CNTN6: variants seen among roughly 807,000 people sequenced by gnomAD.
The protein encoded by CNTN6 is contactin-6.
CNTN6 carries 137 observed loss-of-function variants against 122.8 expected under a neutral mutation model. That is an observed-to-expected ratio of 1.12 (90% confidence interval 0.97 to 1.29). CNTN6 has a LOEUF of 1.29. Ranked by LOEUF, CNTN6 falls within the 50% of genes most tolerant of loss-of-function variation. The pLI is 0.00. For synonymous variants in CNTN6, 570 were observed against 426.0 expected (o/e 1.34, Z -4.16); for missense variants, 1,634 against 1,223.4 (o/e 1.34, Z -5.01).
At chr3:1,364,701 A>G (rs1366722897) in intron 12 of CNTN6, among the ~76,000 whole-genome samples, 2 of 151,966 alleles carry the variant, frequency 1.3e-5, no homozygotes, top group African/African-American at 2.4e-5. Flanking sequence ...AATGGTCCTG[A>G]CATAAGTTTT....
chr3:1,160,344 GTATATATATATATATATATA>G (rs56703431), intron 2 of CNTN6, among the ~76,000 whole-genome samples: 1 of 111,114 alleles, frequency 9.0e-6, no homozygotes, highest in Non-Finnish European at 1.8e-5. Context: ...TACTTTTACT[GTATATATATATATATATATA>G]TATACACACT....
intron 2 of CNTN6, among the ~76,000 whole-genome samples, chr3:1,202,541 AAAAAATAAATAAATAAATAAAT>A (rs1255307107): frequency 1.1e-4 from 11 of 97,904 alleles, no homozygotes; most frequent in African/African-American, 2.3e-4. Context: ...ACTCCGTCTC[AAAAAATAAATAAATAAATAAAT>A]AAATAAATAA....
chr3:1,295,399 A>G (rs925330788), intron 5 of CNTN6, among the ~76,000 whole-genome samples: 5 of 152,128 alleles, frequency 3.3e-5, no homozygotes, highest in African/African-American at 1.2e-4. Flanking sequence ...GAAAGTGCCC[A>G]CATAATTTAT....
chr3:1,318,469 C>T (rs151325814), intron 7 of CNTN6, among the ~76,000 whole-genome samples: 52 of 151,774 alleles, frequency 3.4e-4, no homozygotes, highest in Non-Finnish European at 5.6e-4. Flanking sequence ...GATTAGAGCC[C>T]GCTGGGAATT....
In CNTN6 at chr3:1,140,550, T is replaced by C. The variant is rs140439458; in HGVS notation, c.-82-7377T>C. On this transcript the variant is annotated intron_variant, in intron 1 of 22. Transcript: ENST00000446702. ...CTATTATCTATATAGTTTCTTTCAATTGTGAAATTCACTGAAAGTATGATT... is the reference window on the plus strand; with the variant it reads ...CTATTATCTATATAGTTTCTTTCAACTGTGAAATTCACTGAAAGTATGATT... 8.7e-4 allele frequency among the ~76,000 whole-genome samples: 132 copies of C among 152,318 alleles called. 1 individual carries two copies. The highest frequency in any genetic ancestry group is 3.0e-3 in the African/African-American group (125 of 41,574).
At chr3:1,282,799 T>C (rs925203387) in intron 5 of CNTN6, among the ~76,000 whole-genome samples, 8 of 152,216 alleles carry the variant, frequency 5.3e-5, no homozygotes, top group South Asian at 2.1e-4. Context: ...GTATCTATTA[T>C]AATTCTTCCC....
At chr3:1,268,136 A>G (rs2094955999) in intron 4 of CNTN6, among the ~76,000 whole-genome samples, 1 of 152,252 alleles carries the variant, frequency 6.6e-6, no homozygotes, top group African/African-American at 2.4e-5. Context: ...AACATTTGCC[A>G]AAAGGCAAAG....
At chr3:1,256,231 A>G (rs1251775121) in intron 4 of CNTN6, among the ~76,000 whole-genome samples, 1 of 152,216 alleles carries the variant, frequency 6.6e-6, no homozygotes, top group Admixed American at 6.6e-5. Context: ...CTTAAGAATT[A>G]TAATTTTCTA....
intron 1 of CNTN6, among the ~76,000 whole-genome samples, chr3:1,115,666 T>A (rs1574901384): frequency 6.6e-6 from 1 of 152,206 alleles, no homozygotes; most frequent in Non-Finnish European, 1.5e-5. Context: ...GCAGGAGAAT[T>A]GCTTGAACCC....
At chr3:1,098,789 C>CATATATATATATATATATATATATATAT (rs1169127167) in intron 1 of CNTN6, among the ~76,000 whole-genome samples, 1 of 63,256 alleles carries the variant, frequency 1.6e-5, no homozygotes, top group South Asian at 7.0e-4. Flanking sequence ...CACACACACA[C>CATATATATATATATATATATATATATAT]ATATATATAT....
At chr3:1,238,246 G>C (rs1486780821) in intron 4 of CNTN6, among the ~76,000 whole-genome samples, 1 of 152,102 alleles carries the variant, frequency 6.6e-6, no homozygotes. Flanking sequence ...GGTGGAAAAA[G>C]ATATTCCGTG....
At chr3:1,221,716 A>G (rs2094210043) in intron 3 of CNTN6, among the ~76,000 whole-genome samples, 1 of 152,208 alleles carries the variant, frequency 6.6e-6, no homozygotes, top group African/African-American at 2.4e-5. Context: ...GCATACGTAA[A>G]TATTCATAGG....
chr3:1,388,481 C>A (rs1331764963), intron 20 of CNTN6, among the ~76,000 whole-genome samples: 1 of 151,604 alleles, frequency 6.6e-6, no homozygotes, highest in African/African-American at 2.4e-5. Flanking sequence ...AACAGAAAAA[C>A]TGGAAACTCT....
chr3:1,242,285 A>G (rs181176127), intron 4 of CNTN6, among the ~76,000 whole-genome samples: 52 of 152,278 alleles, frequency 3.4e-4, no homozygotes, highest in Non-Finnish European at 2.9e-4. Context: ...TGAAAAAAGC[A>G]TCTTTAAGAT....
intron 4 of CNTN6, among the ~76,000 whole-genome samples, chr3:1,260,899 A>G (rs2094835205): frequency 1.3e-5 from 2 of 152,226 alleles, no homozygotes; most frequent in East Asian, 1.9e-4. Context: ...TCTTTCCTTT[A>G]TAAATTACCC....
chr3:1,347,616 T>G (rs891740894), intron 11 of CNTN6, among the ~76,000 whole-genome samples: 1 of 152,102 alleles, frequency 6.6e-6, no homozygotes, highest in African/African-American at 2.4e-5. Context: ...ACATTAGGCA[T>G]GAGCAACAAA....
chr3:1,402,361 A>G lies in CNTN6; in HGVS notation c.2861A>G (p.Glu954Gly). The change falls in exon 22 of 23, where the codon GAA becomes GGA. Residue 954 changes from glutamate (E) to glycine (G), a missense_variant. Physicochemically the swap from Glu to Gly is moderately conservative, Grantham distance 98. Coordinates refer to ENST00000446702, the MANE Select transcript of CNTN6 (RefSeq NM_001289080.2). ...QNRQSKTHIL[E>G]TNNTSAELLV... ...AGACAGAGTAAAACTCATATTTTGG[A>G]AACAAACAATACATCAGCTGAGCTT... 6.2e-7 allele frequency: 1 copy of G among 1,611,884 alleles called. No individual in the cohort carries two copies. Among genetic ancestry groups the G allele is most frequent in the Non-Finnish European group, 8.5e-7 (1 of 1,178,922 alleles).
chr3:1,382,914 C>T, intron 17 of CNTN6, 28 bp from the exon 18 acceptor site: 2 of 1,491,846 alleles, frequency 1.3e-6, no homozygotes. Flanking sequence ...TTTGCAAATA[C>T]TCAGTGATTG....
chr3:1,329,808 AG>A lies in CNTN6; in HGVS notation c.1238del (p.Ser413IlefsTer68). Reference sequence around the variant, plus strand: ...AGCCTCAGCTCCAGATTTCTCCAAAAGTCCAGTTAAAAAAAAGTCTTTTGTT... The same window carrying A: ...AGCCTCAGCTCCAGATTTCTCCAAAATCCAGTTAAAAAAAAGTCTTTTGTT... The part of the protein sequence containing the change: ...VLASAPDFSK[S>X]PVKKKSFVQV... On this transcript the variant is annotated frameshift_variant, in exon 11 of 23. Coordinates refer to ENST00000446702, the MANE Select transcript of CNTN6 (RefSeq NM_001289080.2). LOFTEE classifies it high-confidence loss of function. The A allele has an allele frequency of 1.2e-6, 2 of 1,605,310 alleles. No individual in the cohort carries two copies. The highest frequency in any genetic ancestry group is 1.7e-4 in the Middle Eastern group (1 of 5,992).
Sources: gnomAD v4.1 joint callset for allele counts (sites outside exome capture counted in the v4.1 genomes callset) on GRCh38, gnomAD v4.1.1 for gene constraint, MANE v1.5 for transcripts, NCBI Gene and HGNC (gene_info 2026-07-23, HGNC 2026-07-21) for gene names.